The following PDE4D variants were observed in gnomAD, a reference collection of about 807,000 sequenced individuals.
PDE4D encodes the protein phosphodiesterase 4D.
PDE4D carries 24 observed loss-of-function variants against 87.4 expected under a neutral mutation model. That is an observed-to-expected ratio of 0.27 (90% CI 0.20 to 0.39). The LOEUF (loss-of-function observed/expected upper bound fraction) is 0.39, where lower values mean the gene tolerates loss of function less well. Among genes scored for constraint, PDE4D ranks in the 10% least tolerant of loss-of-function variants. The probability of loss-of-function intolerance (pLI) is 1.00; values close to 1 mark genes in which losing one functional copy is unlikely to be tolerated. For synonymous variants in PDE4D, 384 were observed against 383.2 expected (o/e 1.00, Z -0.02); for missense variants, 714 against 1,041.0 (o/e 0.69, Z 4.32).
intron 1 of PDE4D, among the ~76,000 whole-genome samples, chr5:59,639,689 G>T (rs1741210548): frequency 6.6e-6 from 1 of 152,162 alleles, no homozygotes; most frequent in African/African-American, 2.4e-5. Context: ...TCAATGGGCA[G>T]TGCACAGTGG....
At chr5:60,416,442 C>G (rs181250758) in intron 1 of PDE4D, among the ~76,000 whole-genome samples, 220 of 152,308 alleles carry the variant, frequency 1.4e-3, no homozygotes, top group African/African-American at 5.1e-3. Flanking sequence ...CTGCAAAGGT[C>G]TGCAGCTTCA....
intron 1 of PDE4D, among the ~76,000 whole-genome samples, chr5:60,230,434 T>C (rs1249939043): frequency 1.3e-5 from 2 of 152,072 alleles, no homozygotes; most frequent in Non-Finnish European, 2.9e-5. Context: ...CTTATTCTAG[T>C]TGGATTTTTC....
intron 5 of PDE4D, among the ~76,000 whole-genome samples, chr5:59,113,996 C>T (rs1321937017): frequency 2.6e-5 from 4 of 152,130 alleles, no homozygotes; most frequent in African/African-American, 9.7e-5. Flanking sequence ...TAATTTTTAT[C>T]ACTGATATTA....
At chr5:60,390,102 G>C (rs1242779021) in intron 1 of PDE4D, among the ~76,000 whole-genome samples, 2 of 152,172 alleles carry the variant, frequency 1.3e-5, no homozygotes, top group Non-Finnish European at 2.9e-5. Flanking sequence ...CCAATTGGCT[G>C]GCCCTTCTAC....
chr5:59,269,732 C>A (rs1241728766), intron 1 of PDE4D, among the ~76,000 whole-genome samples: 1 of 151,834 alleles, frequency 6.6e-6, no homozygotes, highest in Non-Finnish European at 1.5e-5. Flanking sequence ...TGTGCTTATA[C>A]TTTTTACTTA....
At chr5:58,990,672 G>A (rs528857430) in intron 9 of PDE4D, 132 bp downstream of exon 9, 17 of 546,332 alleles carry the variant, frequency 3.1e-5, no homozygotes, top group South Asian at 2.9e-5. Context: ...TGGCAAAGGA[G>A]CAAATAAGGA....
At chr5:60,127,772 G>A (rs1779239477) in intron 2 of PDE4D, 1 of 510,160 alleles carries the variant, frequency 2.0e-6, no homozygotes, top group Non-Finnish European at 3.5e-6. Context: ...AAAGCGGTAG[G>A]ATATACAGGT....
chr5:59,172,370 A>T (rs1783146821), intron 5 of PDE4D, among the ~76,000 whole-genome samples: 1 of 135,164 alleles, frequency 7.4e-6, no homozygotes, highest in South Asian at 2.1e-4. Flanking sequence ...TATATTATAT[A>T]TAATATATAT....
chr5:59,520,625 A>G (rs1345025732), intron 1 of PDE4D, among the ~76,000 whole-genome samples: 3 of 152,176 alleles, frequency 2.0e-5, no homozygotes, highest in African/African-American at 7.2e-5. Flanking sequence ...AGAACGATTT[A>G]AGATGATAGG....
chr5:59,443,149 A>G (rs1242994728), intron 1 of PDE4D, among the ~76,000 whole-genome samples: 3 of 152,218 alleles, frequency 2.0e-5, no homozygotes, highest in Non-Finnish European at 4.4e-5. Context: ...TGGCTCAAAC[A>G]TAAAATGTTA....
At chr5:60,143,461 T>G (rs1004021877) in intron 2 of PDE4D, among the ~76,000 whole-genome samples, 4 of 152,196 alleles carry the variant, frequency 2.6e-5, no homozygotes, top group African/African-American at 9.7e-5. Context: ...AATCTGGATT[T>G]TATTATTCAT....
intron 1 of PDE4D, among the ~76,000 whole-genome samples, chr5:60,190,599 G>A (rs7717250): frequency 3.4e-4 from 52 of 152,136 alleles, no homozygotes; most frequent in Non-Finnish European, 7.2e-4. Flanking sequence ...GAAGTATAGG[G>A]AACATAAGTA....
At chr5:59,963,278 T>C (rs116393351) in intron 3 of PDE4D, among the ~76,000 whole-genome samples, 1,625 of 152,260 alleles carry the variant, frequency 0.011, 30 homozygotes, top group African/African-American at 0.037. Context: ...GAAGTCAGAT[T>C]TGATTTCCCT....
chr5:59,682,593 G>C (rs1382504942), intron 1 of PDE4D, among the ~76,000 whole-genome samples: 2 of 152,156 alleles, frequency 1.3e-5, no homozygotes, highest in Non-Finnish European at 2.9e-5. Flanking sequence ...TATGGGGACA[G>C]AGCCCTCATG....
intron 1 of PDE4D, among the ~76,000 whole-genome samples, chr5:59,863,424 A>G (rs1196450467): frequency 6.6e-6 from 1 of 152,136 alleles, no homozygotes; most frequent in Non-Finnish European, 1.5e-5. Context: ...TTAGAAGAAA[A>G]ATGATTTTCT....
At chr5:60,038,424 C>T (rs1384937805) in intron 2 of PDE4D, among the ~76,000 whole-genome samples, 1 of 152,054 alleles carries the variant, frequency 6.6e-6, no homozygotes, top group Non-Finnish European at 1.5e-5. Flanking sequence ...CGTCAAAGAT[C>T]AGATAGTTGT....
intron 3 of PDE4D, among the ~76,000 whole-genome samples, chr5:59,976,911 C>T (rs955245338): frequency 6.6e-6 from 1 of 152,130 alleles, no homozygotes; most frequent in African/African-American, 2.4e-5. Context: ...TGCCACAAAC[C>T]ATGCCCATGT....
At chr5:58,999,952 T>A in intron 6 of PDE4D, 1 of 979,600 alleles carries the variant, frequency 1.0e-6, no homozygotes, top group Non-Finnish European at 1.2e-6. Flanking sequence ...CCGGGAAGAG[T>A]GACAAGAAGC....
At chr5:59,964,333 C>T (rs747791496) in intron 3 of PDE4D, among the ~76,000 whole-genome samples, 5 of 152,130 alleles carry the variant, frequency 3.3e-5, no homozygotes, top group African/African-American at 7.2e-5. Context: ...AAGCAACCAG[C>T]GTTTGGCTTC....
Sources: gnomAD v4.1 joint callset for allele counts (sites outside exome capture counted in the v4.1 genomes callset) on GRCh38, gnomAD v4.1.1 for gene constraint, MANE v1.5 for transcripts, NCBI Gene and HGNC (gene_info 2026-07-23, HGNC 2026-07-21) for gene names.